Variants in SLC24A2 observed in about 807,000 individuals in gnomAD.
SLC24A2 encodes the protein sodium/potassium/calcium exchanger 2.
Under a neutral mutation model 62.0 loss-of-function variants are expected in SLC24A2, and 36 were observed. The ratio of observed to expected loss-of-function variants is 0.58; its 90% confidence interval spans 0.44 to 0.77. SLC24A2 has a LOEUF of 0.77. Among genes scored for constraint, SLC24A2 ranks in the 30% least tolerant of loss-of-function variants. The pLI is 0.00. For missense variants in SLC24A2, 846 were observed against 817.9 expected (o/e 1.03, Z -0.42); for synonymous variants, 358 against 294.0 (o/e 1.22, Z -2.23).
the SLC24A2 span, among the ~76,000 whole-genome samples, chr9:19,859,567 G>A: frequency 6.6e-6 from 1 of 152,166 alleles, no homozygotes; most frequent in Non-Finnish European, 1.5e-5. Context: ...AATTCCCCTT[G>A]CCCCCTGCAA....
intron 8 of SLC24A2, among the ~76,000 whole-genome samples, chr9:19,546,735 G>A (rs1375838521): frequency 2.1e-5 from 3 of 144,206 alleles, no homozygotes; most frequent in East Asian, 2.0e-4. Flanking sequence ...TGAGGTATGG[G>A]AAAAAAAAAA....
the SLC24A2 span, among the ~76,000 whole-genome samples, chr9:20,059,685 C>T: frequency 5.3e-5 from 8 of 152,006 alleles, no homozygotes; most frequent in Admixed American, 1.3e-4. Context: ...CTGTAAATGC[C>T]TATATTAAAA....
At chr9:19,544,557 G>A (rs1013025807) in intron 8 of SLC24A2, among the ~76,000 whole-genome samples, 1 of 152,132 alleles carries the variant, frequency 6.6e-6, no homozygotes, top group Non-Finnish European at 1.5e-5. Flanking sequence ...TGTTTTTGCA[G>A]TGGCTGGTTC....
chr9:20,285,019 T>C, the SLC24A2 span, among the ~76,000 whole-genome samples: 1 of 152,218 alleles, frequency 6.6e-6, no homozygotes, highest in Non-Finnish European at 1.5e-5. Context: ...AAATGTTAAG[T>C]GTAAGGATTA....
the SLC24A2 span, among the ~76,000 whole-genome samples, chr9:20,154,869 T>C: frequency 1.3e-5 from 2 of 151,664 alleles, no homozygotes; most frequent in Non-Finnish European, 2.9e-5. Context: ...AAGATGGCTG[T>C]AGCCATTCCA....
chr9:20,302,831 C>G, the SLC24A2 span, among the ~76,000 whole-genome samples: 1 of 152,098 alleles, frequency 6.6e-6, no homozygotes, highest in African/African-American at 2.4e-5. Flanking sequence ...TGGGGCTGAA[C>G]CAACATTAAT....
intron 7 of SLC24A2, among the ~76,000 whole-genome samples, chr9:19,561,333 T>TAAG (rs1835390074): frequency 6.6e-6 from 1 of 152,106 alleles, no homozygotes; most frequent in Admixed American, 6.5e-5. Context: ...AAGAGGTAAG[T>TAAG]TTACGTGTTT....
chr9:20,269,231 T>A, the SLC24A2 span, among the ~76,000 whole-genome samples: 12 of 152,094 alleles, frequency 7.9e-5, no homozygotes, highest in Non-Finnish European at 1.8e-4. Flanking sequence ...TCCCTTAATA[T>A]AAATGCATAT....
rs111792220 is a variant in SLC24A2 at position 19,760,298 on chromosome 9, C to T, written c.930+25639G>A. ...ACAACGCACCAGTAATTCTCCCTCT[C>T]TTGAATTATCAAATCTTTCCTCTGC... On this transcript the variant is annotated intron_variant, in intron 2 of 10. Coordinates refer to ENST00000341998, the MANE Select transcript of SLC24A2 (RefSeq NM_020344.4). Among the ~76,000 whole-genome samples the T allele has an allele frequency of 2.7e-3, 417 of 152,286 alleles. 1 individual carries two copies. Among genetic ancestry groups the T allele is most frequent in the African/African-American group, 9.7e-3 (402 of 41,564 alleles).
At chr9:19,552,160 C>G (rs1006259543) in intron 7 of SLC24A2, among the ~76,000 whole-genome samples, 2 of 152,150 alleles carry the variant, frequency 1.3e-5, no homozygotes, top group Non-Finnish European at 2.9e-5. Flanking sequence ...TTCTTTCTTC[C>G]ATCCTGAGGG....
At chr9:20,099,343 A>C in the SLC24A2 span, among the ~76,000 whole-genome samples, 2 of 152,224 alleles carry the variant, frequency 1.3e-5, no homozygotes, top group Non-Finnish European at 2.9e-5. Flanking sequence ...CATCTGGAAA[A>C]GGGCACTTAC....
At chr9:20,196,900 C>G in the SLC24A2 span, among the ~76,000 whole-genome samples, 1 of 152,150 alleles carries the variant, frequency 6.6e-6, no homozygotes. Context: ...TGCATATATG[C>G]CTTGTATAAA....
intron 2 of SLC24A2, among the ~76,000 whole-genome samples, chr9:19,727,718 T>C (rs1045240384): frequency 6.6e-6 from 1 of 152,226 alleles, no homozygotes; most frequent in Non-Finnish European, 1.5e-5. Flanking sequence ...AATTAATTTA[T>C]CTTAAGTGTG....
chr9:19,994,160 A>AGCAGGAAAAGAAGCAT, the SLC24A2 span, among the ~76,000 whole-genome samples: 3 of 152,306 alleles, frequency 2.0e-5, no homozygotes, highest in East Asian at 3.9e-4. Flanking sequence ...GTGGAAAAGA[A>AGCAGGAAAAGAAGCAT]CACATTAAAT....
intron 5 of SLC24A2, among the ~76,000 whole-genome samples, chr9:19,587,918 T>A (rs898747490): frequency 6.6e-6 from 1 of 152,216 alleles, no homozygotes; most frequent in African/African-American, 2.4e-5. Flanking sequence ...TAAGATGCAA[T>A]GAAGTTTGAA....
rs929634178 is a variant in SLC24A2 at position 19,785,878 on chromosome 9, C to T, written c.930+59G>A. On this transcript the variant is annotated intron_variant, in intron 2 of 10. Transcript: ENST00000341998. ...TCAAAAGAACTGCAGATCTCAAAAA[C>T]ATAATAATTCAGAACCGTAGTCAAG... The T allele has an allele frequency of 1.4e-5, 22 of 1,610,776 alleles. 1 individual carries two copies. In the Middle Eastern group the frequency reaches 9.9e-4, roughly 72 times the overall value.
chr9:19,574,686 T>C (rs10964224), intron 6 of SLC24A2, among the ~76,000 whole-genome samples: 11,660 of 152,206 alleles, frequency 0.077, 853 homozygotes, highest in East Asian at 0.33. Flanking sequence ...TTTATTATAG[T>C]GCCTGCCTTT....
intron 4 of SLC24A2, among the ~76,000 whole-genome samples, chr9:19,613,469 A>G (rs2132940115): frequency 1.3e-5 from 2 of 152,300 alleles, no homozygotes; most frequent in Non-Finnish European, 2.9e-5. Flanking sequence ...AGAGGAAGAT[A>G]TCACCATTTT....
intron 2 of SLC24A2, among the ~76,000 whole-genome samples, chr9:19,672,390 C>T (rs1021202005): frequency 6.8e-6 from 1 of 146,358 alleles, no homozygotes; most frequent in Non-Finnish European, 1.5e-5. Context: ...GTTGTAATAG[C>T]TCCTGTTTTG....
Sources: gnomAD v4.1 joint callset for allele counts (sites outside exome capture counted in the v4.1 genomes callset) on GRCh38, gnomAD v4.1.1 for gene constraint, MANE v1.5 for transcripts, NCBI Gene and HGNC (gene_info 2026-07-23, HGNC 2026-07-21) for gene names.